The following USP4 variants were observed in gnomAD, a reference collection of about 807,000 sequenced individuals.
USP4 encodes the protein ubiquitin specific peptidase 4.
In USP4, 72 loss-of-function variants were observed where a neutral mutation model predicts 118.2. The ratio of observed to expected loss-of-function variants is 0.61; its 90% confidence interval spans 0.50 to 0.74. USP4 has a LOEUF of 0.74. Among genes scored for constraint, USP4 ranks in the 30% least tolerant of loss-of-function variants. USP4 has a pLI of 0.00. For synonymous variants in USP4, 415 were observed against 440.4 expected, an observed-to-expected ratio of 0.94 and a Z score of 0.72; for missense variants, 1,037 against 1,185.7, an observed-to-expected ratio of 0.87 and a Z score of 1.84.
chr3:49,305,592 C>T (rs1228796674), intron 9 of USP4, 123 bp downstream of exon 9: 1 of 751,610 alleles, frequency 1.3e-6, no homozygotes, highest in Admixed American at 3.9e-5. Context: ...GGATGCTGAA[C>T]TAGTAAGCAT....
At chr3:49,279,025 T>C in intron 20 of USP4, 123 bp from the exon 21 acceptor site, 1 of 543,124 alleles carries the variant, frequency 1.8e-6, no homozygotes, top group South Asian at 3.2e-5. Flanking sequence ...TAAAAAAGTT[T>C]ACAGTGTGTG....
intron 8 of USP4, among the ~76,000 whole-genome samples, chr3:49,307,307 GCGTAGTGGCACATGCCTGTAATC>G (rs1360888051): frequency 1.3e-5 from 2 of 151,342 alleles, no homozygotes; most frequent in Non-Finnish European, 2.9e-5. Flanking sequence ...AATTAGCTGG[GCGTAGTGGCACATGCCTGTAATC>G]CCAGCTACCC....
intron 15 of USP4, among the ~76,000 whole-genome samples, chr3:49,289,856 A>C (rs1373467573): frequency 6.6e-6 from 1 of 152,168 alleles, no homozygotes; most frequent in African/African-American, 2.4e-5. Context: ...CTATGATCCC[A>C]GCACTCTGGG....
In USP4 at chr3:49,284,544, T is replaced by C. The variant is rs749168065; in HGVS notation, c.2312A>G (p.Lys771Arg). The C allele has an allele frequency of 1.9e-6, 3 of 1,613,988 alleles. No homozygotes were observed. The highest frequency in any genetic ancestry group is 1.7e-5 in the Admixed American group (1 of 59,966). ...KHVSMLQPQK[K>R]KKTTVALRDC... ...TCTCAGGGCCACTGTGGTCTTCTTC[T>C]TCTTCTGAGGCTGCAACATGCTCAC... Residue 771 changes from lysine to arginine, a missense_variant, in exon 18 of 22, where the codon AAG becomes AGG. Physicochemically the swap from Lys to Arg is conservative, Grantham distance 26. Around this residue, in one of 3 missense-constraint regions of USP4, gnomAD observed 522 missense variants for 592.6 expected, o/e 0.88. Transcript: ENST00000265560.
chr3:49,286,000 A>G (rs2047087233), intron 16 of USP4, 98 bp downstream of exon 16: 1 of 1,148,306 alleles, frequency 8.7e-7, no homozygotes, highest in African/African-American at 1.5e-5. Context: ...AGGCACAGAG[A>G]CTGTGAAAGC....
intron 11 of USP4, 123 bp from the exon 12 acceptor site, chr3:49,298,758 G>A (rs750393620): frequency 3.3e-5 from 27 of 820,474 alleles, no homozygotes; most frequent in Non-Finnish European, 5.2e-5. Flanking sequence ...GTGAGGTCAG[G>A]GTACAGATGA....
At chr3:49,280,655 A>G in intron 20 of USP4, 89 bp downstream of exon 20, 1 of 1,029,654 alleles carries the variant, frequency 9.7e-7, no homozygotes, top group Non-Finnish European at 1.5e-6. Flanking sequence ...GCATAAGCAA[A>G]GCATTTAGGG....
At chr3:49,280,938 G>A in intron 19 of USP4, 91 bp from the exon 20 acceptor site, 3 of 981,064 alleles carry the variant, frequency 3.1e-6, no homozygotes, top group South Asian at 2.9e-5. Context: ...ATGCAACAGG[G>A]CAGAACACAG....
intron 8 of USP4, among the ~76,000 whole-genome samples, chr3:49,307,300 T>G (rs968999267): frequency 6.6e-6 from 1 of 150,930 alleles, no homozygotes; most frequent in African/African-American, 2.4e-5. Context: ...TACAAAAAAT[T>G]AGCTGGGCGT....
chr3:49,313,486 C>A (rs1417543796), intron 6 of USP4, among the ~76,000 whole-genome samples: 1 of 152,038 alleles, frequency 6.6e-6, no homozygotes, highest in African/African-American at 2.4e-5. Context: ...CGAGATCGTG[C>A]CATTGCATTC....
chr3:49,298,763 A>C (rs1008361541), intron 11 of USP4, 128 bp from the exon 12 acceptor site: 1 of 781,044 alleles, frequency 1.3e-6, no homozygotes, highest in African/African-American at 1.7e-5. Context: ...GTCAGGGTAC[A>C]GATGAGTCAG....
At chr3:49,314,688 A>G (rs1319387693) in intron 6 of USP4, among the ~76,000 whole-genome samples, 2 of 152,184 alleles carry the variant, frequency 1.3e-5, no homozygotes, top group East Asian at 3.8e-4. Flanking sequence ...TCCTCTTCTC[A>G]GTAACTATTC....
intron 2 of USP4, among the ~76,000 whole-genome samples, chr3:49,329,690 T>C (rs910344740): frequency 6.6e-6 from 1 of 152,146 alleles, no homozygotes; most frequent in African/African-American, 2.4e-5. Context: ...TATAAGCCAC[T>C]GCACCAGGTG....
intron 2 of USP4, among the ~76,000 whole-genome samples, chr3:49,328,776 C>T (rs1000375290): frequency 1.1e-4 from 16 of 151,796 alleles, no homozygotes; most frequent in African/African-American, 3.9e-4. Context: ...ATAAGAATTG[C>T]TTGAACCCAG....
chr3:49,302,677 T>C (rs2047273930), intron 9 of USP4, 135 bp from the exon 10 acceptor site: 4 of 829,620 alleles, frequency 4.8e-6, no homozygotes, highest in Non-Finnish European at 7.3e-6. Flanking sequence ...GTAGTCCAAT[T>C]AACTCCTGAA....
At chr3:49,335,620 G>A (rs1283140176) in intron 1 of USP4, 24 bp from the exon 2 acceptor site, 2 of 1,612,518 alleles carry the variant, frequency 1.2e-6, no homozygotes, top group Admixed American at 1.7e-5. Context: ...GAAATTTACT[G>A]TAGCAGAAAA....
At chr3:49,327,336 G>A (rs569321955) in intron 3 of USP4, among the ~76,000 whole-genome samples, 15 of 152,238 alleles carry the variant, frequency 9.9e-5, no homozygotes, top group African/African-American at 2.9e-4. Flanking sequence ...AAGAGTTTGA[G>A]ACCAGACTGG....
intron 13 of USP4, among the ~76,000 whole-genome samples, chr3:49,296,745 T>C (rs2047213955): frequency 6.6e-6 from 1 of 152,284 alleles, no homozygotes; most frequent in African/African-American, 2.4e-5. Flanking sequence ...AATTTGTTTT[T>C]CCAATGGTTG....
chr3:49,316,378 C>G (rs953428562), intron 6 of USP4, among the ~76,000 whole-genome samples: 2 of 152,006 alleles, frequency 1.3e-5, no homozygotes, highest in African/African-American at 4.8e-5. Context: ...GACTTCACCT[C>G]CCCAGTTCAA....
Sources: gnomAD v4.1 joint callset for allele counts (sites outside exome capture counted in the v4.1 genomes callset) on GRCh38, gnomAD v4.1.1 for gene constraint, gnomAD v4.1.1 regional missense constraint, MANE v1.5 for transcripts, NCBI Gene and HGNC (gene_info 2026-07-23, HGNC 2026-07-21) for gene names.